The following AP3D1 variants were observed in gnomAD, a reference collection of about 807,000 sequenced individuals.
The protein encoded by AP3D1 is adaptor related protein complex 3 subunit delta 1, also known as AP-3 complex subunit delta-1.
In AP3D1, 51 loss-of-function variants were observed where a neutral mutation model predicts 147.6. The observed-to-expected ratio is 0.35, with a 90% CI of 0.28 to 0.44. The LOEUF is 0.44. Ranked by LOEUF, AP3D1 falls within the 20% of genes least tolerant of loss-of-function variation. AP3D1 has a pLI of 1.00. For synonymous variants in AP3D1, 760 were observed against 663.0 expected (o/e 1.15, Z -2.25); for missense variants, 1,421 against 1,624.2 (o/e 0.87, Z 2.15).
chr19:2,142,014 T>TTATA (rs200162034), intron 1 of AP3D1, among the ~76,000 whole-genome samples: 141 of 150,204 alleles, frequency 9.4e-4, no homozygotes, highest in African/African-American at 3.2e-3. Flanking sequence ...ATATGTTTAT[T>TTATA]TATATATATA....
chr19:2,135,315 C>A (rs147528508), intron 4 of AP3D1, among the ~76,000 whole-genome samples: 1 of 152,134 alleles, frequency 6.6e-6, no homozygotes, highest in South Asian at 2.1e-4. Context: ...GCGGGCAGAT[C>A]ACTTGAGGCT....
intron 14 of AP3D1, among the ~76,000 whole-genome samples, chr19:2,119,427 CT>C (rs983974819): frequency 2.2e-4 from 33 of 151,938 alleles, no homozygotes; most frequent in Admixed American, 1.9e-3. Flanking sequence ...GGCACGGTGG[CT>C]AACGCCTGTA....
intron 16 of AP3D1, chr19:2,116,949 T>C: frequency 2.3e-6 from 2 of 869,970 alleles, no homozygotes; most frequent in Non-Finnish European, 3.4e-6. Flanking sequence ...AGGGTCACAG[T>C]GGGGCCCCCA....
At chr19:2,115,651 G>A (rs2018425329) in intron 18 of AP3D1, 38 bp from the exon 19 acceptor site, 2 of 1,592,200 alleles carry the variant, frequency 1.3e-6, no homozygotes, top group South Asian at 1.1e-5. Flanking sequence ...GGTGCACCGA[G>A]GGGTGACACA....
intron 22 of AP3D1, 37 bp downstream of exon 22, chr19:2,114,088 G>C (rs1368414032): frequency 6.5e-7 from 1 of 1,539,686 alleles, no homozygotes; most frequent in Non-Finnish European, 8.8e-7. Flanking sequence ...CAAGGGAGGG[G>C]AATGGAGAAG....
At position 2,109,963 on chromosome 19, in the gene AP3D1, G is replaced by A. The variant is rs534639518; in HGVS notation, c.3265-5C>T. ...GTGGGTCGCACCCTCGTCATTCTGC[G>A]GTGGAGTGAAGGTGGTGCAGTTGAG... is the stretch of plus-strand genomic sequence containing the variant. On this transcript the variant is annotated splice_polypyrimidine_tract_variant and splice_region_variant and intron_variant, in intron 28 of 31. Coordinates refer to ENST00000643116, the MANE Select transcript of AP3D1 (RefSeq NM_001261826.3). 276 of 1,613,488 alleles carry A rather than the reference G, an allele frequency of 1.7e-4. No individual in the cohort carries two copies. The highest frequency in any genetic ancestry group is 1.6e-3 in the South Asian group (147 of 91,070).
chr19:2,157,091 C>T (rs1331897514), intron 1 of AP3D1, among the ~76,000 whole-genome samples: 1 of 151,360 alleles, frequency 6.6e-6, no homozygotes, highest in Non-Finnish European at 1.5e-5. Context: ...ATCGATCTAT[C>T]CACCCATCAT....
chr19:2,108,194 A>G (rs926921395), intron 31 of AP3D1, among the ~76,000 whole-genome samples: 4 of 152,240 alleles, frequency 2.6e-5, no homozygotes, highest in Admixed American at 1.3e-4. Context: ...ACCAGAAAAG[A>G]AAACTAAAGA....
At chr19:2,108,596 G>T in intron 31 of AP3D1, 91 bp downstream of exon 31, 1 of 1,238,370 alleles carries the variant, frequency 8.1e-7, no homozygotes, top group Non-Finnish European at 1.1e-6. Context: ...AGCCCTCTAA[G>T]TCCCAAAGCG....
chr19:2,109,402 G>T, intron 29 of AP3D1, 195 bp from the exon 30 acceptor site: 2 of 689,482 alleles, frequency 2.9e-6, no homozygotes, highest in Admixed American at 6.9e-5. Context: ...AACTGACAAT[G>T]ACTTGTCTTT....
chr19:2,145,973 C>T (rs1160892313), intron 1 of AP3D1, among the ~76,000 whole-genome samples: 3 of 152,086 alleles, frequency 2.0e-5, no homozygotes, highest in African/African-American at 4.8e-5. Flanking sequence ...GCTGGTGGTG[C>T]GGGAGGCGAG....
intron 1 of AP3D1, among the ~76,000 whole-genome samples, chr19:2,144,983 G>A (rs538206885): frequency 3.2e-4 from 49 of 152,158 alleles, no homozygotes; most frequent in African/African-American, 1.1e-3. Context: ...GGTCGCCAGG[G>A]CATAGGTTTC....
At chr19:2,164,384 G>C in exon 1 of AP3D1, 1 of 607,846 alleles carries the variant, frequency 1.6e-6, no homozygotes, top group Non-Finnish European at 2.3e-6. Flanking sequence ...GGAGACCCTG[G>C]ACTCCACTGT....
chr19:2,158,663 C>T (rs1025612181), intron 1 of AP3D1, among the ~76,000 whole-genome samples: 14 of 150,474 alleles, frequency 9.3e-5, no homozygotes, highest in African/African-American at 2.5e-4. Flanking sequence ...TGGAGTGCAA[C>T]GGCGCAATCC....
At position 2,113,346 on chromosome 19, in the gene AP3D1, ACGGGGG is replaced by A. The variant is rs750853882; in HGVS notation, c.2663_2668del (p.Ala888_Pro889del). On this transcript the variant is annotated inframe_deletion, in exon 23 of 32. Transcript: ENST00000643116. ...CTGCCAGTCTCTTACCGTGGATGGAACGGGGGCGGGGGCGGGGGCGGGGGCAGGCGG... is the reference window on the plus strand; with the variant it reads ...CTGCCAGTCTCTTACCGTGGATGGAACGGGGGCGGGGGCGGGGGCAGGCGG... The A allele has an allele frequency of 2.2e-3, 1,078 of 500,494 alleles. No homozygotes were observed. Among genetic ancestry groups the A allele is most frequent in the Admixed American group, 2.6e-3 (44 of 17,228 alleles). The allele number at this position is 500,494 out of a possible 1,614,324, so 31.0% of individuals were successfully genotyped here.
At chr19:2,111,565 GCTT>G (rs2018277598) in intron 25 of AP3D1, 111 bp downstream of exon 25, 4 of 1,384,136 alleles carry the variant, frequency 2.9e-6, no homozygotes, top group East Asian at 2.5e-5. Flanking sequence ...GCCAGGCTCG[GCTT>G]CTTCTCGAAT....
intron 1 of AP3D1, among the ~76,000 whole-genome samples, chr19:2,144,551 T>C (rs1385173042): frequency 6.6e-6 from 1 of 152,172 alleles, no homozygotes; most frequent in African/African-American, 2.4e-5. Context: ...TGCTCAGTCC[T>C]GTAACTTGCG....
At chr19:2,127,787 A>G (rs2018799209) in intron 8 of AP3D1, among the ~76,000 whole-genome samples, 1 of 152,184 alleles carries the variant, frequency 6.6e-6, no homozygotes, top group Non-Finnish European at 1.5e-5. Flanking sequence ...TTGGCCTCCC[A>G]AAGCGCTGGG....
At chr19:2,110,936 G>C (rs771195476) in intron 26 of AP3D1, 40 bp from the exon 27 acceptor site, 1 of 1,594,758 alleles carries the variant, frequency 6.3e-7, no homozygotes, top group African/African-American at 1.3e-5. Context: ...AGGCGGGCCC[G>C]CCACAGGGAA....
Sources: allele counts gnomAD v4.1 joint callset (sites outside exome capture counted in the v4.1 genomes callset), GRCh38; gene constraint gnomAD v4.1.1; transcripts MANE v1.5; gene names NCBI Gene and HGNC (gene_info 2026-07-23, HGNC 2026-07-21).